Variants in PPM1H observed in about 807,000 individuals in gnomAD.
PPM1H encodes protein phosphatase 1H.
Under a neutral mutation model 54.9 loss-of-function variants are expected in PPM1H, and 27 were observed. That is an observed-to-expected ratio of 0.49 (90% CI 0.36 to 0.68). The LOEUF is 0.68. PPM1H is among the 30% of genes least tolerant of loss of function. PPM1H has a pLI of 0.00. For synonymous variants in PPM1H, 305 were observed against 270.8 expected (o/e 1.13, Z -1.24); for missense variants, 596 against 667.8 (o/e 0.89, Z 1.19).
intron 2 of PPM1H, among the ~76,000 whole-genome samples, chr12:62,814,280 C>T (rs2076852668): frequency 6.6e-6 from 1 of 152,040 alleles, no homozygotes. Context: ...ATGAGTTCTC[C>T]TTATTTTGCC....
rs527490728 is a variant in PPM1H at position 62,871,303 on chromosome 12, A to G, written c.246-39024T>C. Among the ~76,000 whole-genome samples, 7 of 152,278 alleles carry G rather than the reference A, an allele frequency of 4.6e-5. No individual in the cohort carries two copies. In the South Asian group the frequency reaches 1.5e-3, roughly 32 times the overall value. On this transcript the variant is annotated intron_variant, in intron 1 of 9. Transcript: ENST00000228705. ...AGCTAGACAAAAAAAACGATGTTAT[A>G]TGAGTCTATTTATATGAAATGTTCA...
intron 4 of PPM1H, among the ~76,000 whole-genome samples, chr12:62,762,441 A>G (rs1056003480): frequency 1.3e-5 from 2 of 152,208 alleles, no homozygotes; most frequent in African/African-American, 2.4e-5. Flanking sequence ...TTGGCTTTTC[A>G]TTCAATTGTA....
chr12:62,754,431 G>A (rs942031105), intron 4 of PPM1H, among the ~76,000 whole-genome samples: 4 of 152,174 alleles, frequency 2.6e-5, no homozygotes, highest in Admixed American at 1.3e-4. Flanking sequence ...GCCAGGCTTG[G>A]TGACACATGC....
intron 2 of PPM1H, among the ~76,000 whole-genome samples, chr12:62,825,761 A>G (rs1205980028): frequency 6.6e-6 from 1 of 152,194 alleles, no homozygotes; most frequent in African/African-American, 2.4e-5. Context: ...GAGGGATAGC[A>G]TTAGGAGAAA....
chr12:62,677,830 C>G (rs2075996576), intron 8 of PPM1H, among the ~76,000 whole-genome samples: 1 of 152,242 alleles, frequency 6.6e-6, no homozygotes, highest in Admixed American at 6.5e-5. Flanking sequence ...GTTTCTCAAA[C>G]AGTGGTCTTT....
chr12:62,755,694 A>T, intron 4 of PPM1H: 1 of 678,138 alleles, frequency 1.5e-6, no homozygotes, highest in Non-Finnish European at 2.7e-6. Context: ...CCAACTGCTT[A>T]GTGCCTCTGG....
chr12:62,686,115 C>A (rs984450963), intron 8 of PPM1H, among the ~76,000 whole-genome samples: 3 of 152,206 alleles, frequency 2.0e-5, no homozygotes, highest in Admixed American at 6.5e-5. Context: ...TATCATTCAG[C>A]GAGGTGACAT....
intron 1 of PPM1H, among the ~76,000 whole-genome samples, chr12:62,870,784 T>A (rs960740093): frequency 6.6e-6 from 1 of 152,130 alleles, no homozygotes; most frequent in Non-Finnish European, 1.5e-5. Flanking sequence ...CAAAGAAACA[T>A]ACAAATGGCC....
chr12:62,690,707 C>T (rs753502861), intron 7 of PPM1H, among the ~76,000 whole-genome samples: 1 of 152,222 alleles, frequency 6.6e-6, no homozygotes, highest in Non-Finnish European at 1.5e-5. Flanking sequence ...TGCGGTGGCT[C>T]TTGCCTGTAA....
At position 62,648,452 on chromosome 12, in the gene PPM1H, T is replaced by C. The variant is rs749762881; in HGVS notation, c.*37A>G. 1 of 1,610,124 alleles carries C rather than the reference T, an allele frequency of 6.2e-7. No homozygotes were observed. Among genetic ancestry groups the C allele is most frequent in the Non-Finnish European group, 8.5e-7 (1 of 1,177,266 alleles). ...CGTCCTGCCAAGAGGCATCCCAGCT[T>C]TCTTCCCCTCTGTCCTCCCAATCCC... On this transcript the variant is annotated 3_prime_UTR_variant, in exon 10 of 10. Coordinates refer to ENST00000228705, the MANE Select transcript of PPM1H (RefSeq NM_020700.2).
chr12:62,699,198 A>T (rs2076130524), intron 6 of PPM1H, among the ~76,000 whole-genome samples: 1 of 152,016 alleles, frequency 6.6e-6, no homozygotes, highest in East Asian at 1.9e-4. Flanking sequence ...TTTTATTTTT[A>T]TTTATTTATT....
chr12:62,789,436 T>A (rs978509247), intron 3 of PPM1H, among the ~76,000 whole-genome samples: 4 of 152,218 alleles, frequency 2.6e-5, no homozygotes, highest in African/African-American at 9.6e-5. Context: ...CAATGACTTA[T>A]AAATGACTTA....
intron 1 of PPM1H, among the ~76,000 whole-genome samples, chr12:62,881,160 C>T (rs551632527): frequency 6.6e-6 from 1 of 152,136 alleles, no homozygotes; most frequent in Admixed American, 6.5e-5. Flanking sequence ...CCCCATAATT[C>T]CCTTTCTAGT....
intron 1 of PPM1H, among the ~76,000 whole-genome samples, chr12:62,903,012 G>C (rs1871203406): frequency 6.6e-6 from 1 of 152,110 alleles, no homozygotes; most frequent in African/African-American, 2.4e-5. Context: ...TACTAAGGTA[G>C]TACTCAAATT....
intron 4 of PPM1H, among the ~76,000 whole-genome samples, chr12:62,743,222 A>G (rs342157): frequency 0.82 from 125,296 of 152,036 alleles, 52,197 homozygotes; most frequent in African/African-American, 0.95. Context: ...GTGTGGTGGC[A>G]GGCGCCTGTA....
intron 1 of PPM1H, among the ~76,000 whole-genome samples, chr12:62,846,115 C>G (rs986020500): frequency 1.3e-5 from 2 of 152,204 alleles, no homozygotes; most frequent in Non-Finnish European, 2.9e-5. Flanking sequence ...GCACAGCAGG[C>G]CCGGACTGAC....
intron 4 of PPM1H, among the ~76,000 whole-genome samples, chr12:62,767,919 T>C (rs1003956492): frequency 3.9e-5 from 6 of 152,198 alleles, no homozygotes; most frequent in Admixed American, 1.3e-4. Flanking sequence ...CCTGTGTCTG[T>C]CTACACATGC....
chr12:62,766,558 C>T (rs925184422), intron 4 of PPM1H, among the ~76,000 whole-genome samples: 2 of 147,970 alleles, frequency 1.4e-5, no homozygotes, highest in African/African-American at 5.1e-5. Flanking sequence ...TAAAAAAAGC[C>T]ACAGAAACAA....
chr12:62,902,057 A>C (rs1338670474), intron 1 of PPM1H, among the ~76,000 whole-genome samples: 2 of 152,168 alleles, frequency 1.3e-5, no homozygotes, highest in Non-Finnish European at 2.9e-5. Context: ...CAATATATGA[A>C]ACACTTTAAA....
Sources: gnomAD v4.1 joint callset for allele counts (sites outside exome capture counted in the v4.1 genomes callset) on GRCh38, gnomAD v4.1.1 for gene constraint, MANE v1.5 for transcripts, NCBI Gene and HGNC (gene_info 2026-07-23, HGNC 2026-07-21) for gene names.